NRXN2: variants seen among roughly 807,000 people sequenced by gnomAD.
The protein encoded by NRXN2 is neurexin-2-beta.
NRXN2 carries 29 observed loss-of-function variants against 128.8 expected under a neutral mutation model. That is an observed-to-expected ratio of 0.23 (90% CI 0.17 to 0.31). The LOEUF (loss-of-function observed/expected upper bound fraction) is 0.31, where lower values mean the gene tolerates loss of function less well. Among genes scored for constraint, NRXN2 ranks in the 10% least tolerant of loss-of-function variants. NRXN2 has a pLI of 1.00. For missense variants in NRXN2, 1,881 were observed against 2,452.6 expected, an observed-to-expected ratio of 0.77 and a Z score of 4.92; for synonymous variants, 1,098 against 1,075.2, an observed-to-expected ratio of 1.02 and a Z score of -0.41.
In NRXN2 at chr11:64,648,517, T is replaced by C. The variant is rs1465145312; in HGVS notation, c.3284-179A>G. 1.3e-5 allele frequency among the ~76,000 whole-genome samples: 2 copies of C among 152,184 alleles called. No homozygotes were observed. The highest frequency in any genetic ancestry group is 2.9e-5 in the Non-Finnish European group (2 of 68,022). On this transcript the variant is annotated intron_variant, in intron 16 of 22. Transcript: ENST00000265459. The surrounding 1 kb of genome is among the most constrained non-coding windows in gnomAD (Gnocchi z 4.1). ...GGGTCAGGTCTGCTAGGCTTGGCCT[T>C]GGACTGTGACAAGGGGCCAGGGTGT...
intron 7 of NRXN2, chr11:64,675,847 C>T (rs1392237591): frequency 6.5e-6 from 1 of 154,146 alleles, no homozygotes; most frequent in East Asian, 1.9e-4. Context: ...TGGAGAGTCA[C>T]CAGCAGAGCC....
At chr11:64,615,690 C>T (rs1387533141) in intron 22 of NRXN2, among the ~76,000 whole-genome samples, 2 of 152,214 alleles carry the variant, frequency 1.3e-5, no homozygotes, top group African/African-American at 4.8e-5. Context: ...GGCATACAGG[C>T]ATGCCTTGTA....
chr11:64,651,890 T>C lies in NRXN2; in HGVS notation c.2536+145A>G. Reference sequence around the variant, plus strand: ...TCCTGGGGTCCAGATGCCCATAACATTCCACCCCTGAAGGAGAAATGGCAG... The same window carrying C: ...TCCTGGGGTCCAGATGCCCATAACACTCCACCCCTGAAGGAGAAATGGCAG... On this transcript the variant is annotated intron_variant, in intron 13 of 22. Transcript: ENST00000265459. The surrounding 1 kb of genome is among the most constrained non-coding windows in gnomAD (Gnocchi z 5.9). 1 of 1,315,084 alleles carries C rather than the reference T, an allele frequency of 7.6e-7. No individual in the cohort carries two copies. The highest frequency in any genetic ancestry group is 1.1e-6 in the Non-Finnish European group (1 of 927,738). 81.5% of individuals were successfully genotyped at this position (1,315,084 alleles called of 1,614,324 possible).
At position 64,606,966 on chromosome 11, in the gene NRXN2, G is replaced by C; in HGVS notation, c.*230C>G. 1.7e-6 allele frequency: 1 copy of C among 574,564 alleles called. No homozygotes were observed. Among genetic ancestry groups the C allele is most frequent in the South Asian group, 2.2e-5 (1 of 46,186 alleles). The allele number at this position is 574,564 out of a possible 1,614,324, so 35.6% of individuals were successfully genotyped here. On this transcript the variant is annotated 3_prime_UTR_variant, in exon 23 of 23. Coordinates refer to ENST00000265459, the MANE Select transcript of NRXN2 (RefSeq NM_015080.4). ...GCACGTGCCCTGCCTGGCAGGCGCA[G>C]AGCTGAGAGGGACAGTCAGCCCCGG... is the stretch of plus-strand genomic sequence containing the variant.
chr11:64,642,603 G>A lies in NRXN2; in HGVS notation c.3403+5616C>T, dbSNP rs138224166. ...CGATGGGCACGGTGCCGTGCTTGCTGTGGAAGTGGTGGACGTGGTGGGTGG... is the reference window on the plus strand; with the variant it reads ...CGATGGGCACGGTGCCGTGCTTGCTATGGAAGTGGTGGACGTGGTGGGTGG... On this transcript the variant is annotated intron_variant, in intron 17 of 22. Coordinates refer to ENST00000265459, the MANE Select transcript of NRXN2 (RefSeq NM_015080.4). 254 of 1,610,566 alleles carry A rather than the reference G, an allele frequency of 1.6e-4. No homozygotes were observed. In the African/African-American group the frequency reaches 2.7e-3, roughly 17 times the overall value.
Position 64,647,561 on chromosome 11 carries a change from G to C in NRXN2, c.3403+658C>G, listed in dbSNP as rs572500697. Among the ~76,000 whole-genome samples, 24 of 152,294 alleles carry C rather than the reference G, an allele frequency of 1.6e-4. No individual in the cohort carries two copies. The South Asian group carries it at 4.8e-3, about 30-fold the overall frequency. ...CAAACAGAATGCAAGTTGGCAATCA[G>C]ATGTCCAGCCTAGGAGGAAAAGAAC... is the stretch of plus-strand genomic sequence containing the variant. On this transcript the variant is annotated intron_variant, in intron 17 of 22. Transcript: ENST00000265459.
chr11:64,708,706 T>C (rs184654500), intron 2 of NRXN2, among the ~76,000 whole-genome samples: 60 of 152,342 alleles, frequency 3.9e-4, no homozygotes, highest in Middle Eastern at 3.4e-3. Flanking sequence ...TGAAGGCAGA[T>C]TGAAACATCT....
chr11:64,720,910 G>C (rs2057417427), intron 1 of NRXN2, among the ~76,000 whole-genome samples: 1 of 152,158 alleles, frequency 6.6e-6, no homozygotes, highest in African/African-American at 2.4e-5. Flanking sequence ...TGCCTGCGAT[G>C]GCTGTGAGCC....
At position 64,690,396 on chromosome 11, in the gene NRXN2, G is replaced by T. The variant is rs1463651652; in HGVS notation, c.850+9C>A. The T allele has an allele frequency of 6.2e-7, 1 of 1,610,980 alleles. No individual in the cohort carries two copies. The highest frequency in any genetic ancestry group is 1.7e-5 in the Admixed American group (1 of 59,660). On this transcript the variant is annotated intron_variant, in intron 5 of 22. Coordinates refer to ENST00000265459, the MANE Select transcript of NRXN2 (RefSeq NM_015080.4). ...GCTGGGCTCTCTGGGGACCATGGGG[G>T]TCACTGACCTTTTGTTGGCTGGTGC...
intron 5 of NRXN2, chr11:64,688,363 C>G (rs952046491): frequency 4.1e-6 from 4 of 984,980 alleles, no homozygotes; most frequent in African/African-American, 1.8e-5. Context: ...TGAAAGCCTT[C>G]GAGAAGAGGG....
Position 64,622,014 on chromosome 11 carries a change from G to A in NRXN2, c.4173+739C>T, listed in dbSNP as rs1221710117. On this transcript the variant is annotated intron_variant, in intron 21 of 22. Transcript: ENST00000265459. The surrounding 1 kb of genome is among the most constrained non-coding windows in gnomAD (Gnocchi z 4.3). ...CCCCTCCTCCCTACCAGTCTGTGCT[G>A]CAGGAAGCCTGGGACTAGGCTAGCT... Among the ~76,000 whole-genome samples the A allele has an allele frequency of 2.0e-5, 3 of 152,074 alleles. No homozygotes were observed. The highest frequency in any genetic ancestry group is 7.2e-5 in the African/African-American group (3 of 41,410).
chr11:64,702,158 G>A (rs1202254525), intron 2 of NRXN2, among the ~76,000 whole-genome samples: 4 of 144,566 alleles, frequency 2.8e-5, no homozygotes, highest in Admixed American at 6.8e-5. Context: ...CCGGCCAGCC[G>A]CCCCGTCCGG....
intron 9 of NRXN2, among the ~76,000 whole-genome samples, chr11:64,664,721 G>A (rs12226055): frequency 0.1 from 15,605 of 152,078 alleles, 1,135 homozygotes; most frequent in East Asian, 0.29. Flanking sequence ...GCCGGGCGCC[G>A]TGGCTCACGC....
At chr11:64,654,605 A>G (rs2047979149) in intron 11 of NRXN2, among the ~76,000 whole-genome samples, 3 of 152,342 alleles carry the variant, frequency 2.0e-5, no homozygotes, top group Middle Eastern at 3.4e-3. Flanking sequence ...CCAGCAGCCC[A>G]GGGCCCTGAA....
At position 64,630,459 on chromosome 11, in the gene NRXN2, C is replaced by T; in HGVS notation, c.3700G>A (p.Gly1234Ser). The T allele has an allele frequency of 1.9e-6, 3 of 1,613,772 alleles. No homozygotes were observed. Among genetic ancestry groups the T allele is most frequent in the Non-Finnish European group, 2.5e-6 (3 of 1,179,940 alleles). ...TCCACCTGCAGGGTGGCGTTGCCGC[C>T]GCTTCGAGTGAAGCGCACCACGTGG... ...KYHVVRFTRSGGNATLQVDSW... is the reference protein window; with the variant it reads ...KYHVVRFTRSSGNATLQVDSW... The change falls in exon 19 of 23, where the codon GGC becomes AGC. Residue 1234 changes from glycine to serine, a missense_variant. Physicochemically the swap from Gly to Ser is moderately conservative, Grantham distance 56 (BLOSUM62 0). Around this residue, in one of 7 missense-constraint regions of NRXN2, gnomAD observed 390 missense variants for 599.6 expected, o/e 0.65. Transcript: ENST00000265459. The surrounding 1 kb of genome is among the most constrained non-coding windows in gnomAD (Gnocchi z 4.6).
At chr11:64,672,768 G>A (rs1375301781) in intron 7 of NRXN2, among the ~76,000 whole-genome samples, 1 of 152,100 alleles carries the variant, frequency 6.6e-6, no homozygotes, top group Non-Finnish European at 1.5e-5. Flanking sequence ...TCCTGCTAAG[G>A]GTTTGGGTTA....
chr11:64,625,145 C>G (rs772935808), intron 20 of NRXN2, among the ~76,000 whole-genome samples: 1 of 152,262 alleles, frequency 6.6e-6, no homozygotes, highest in Non-Finnish European at 1.5e-5. Context: ...GGCCCTGGCT[C>G]TCCTTCATCT....
chr11:64,648,979 C>A lies in NRXN2; in HGVS notation c.3110-72G>T. ...TCCCAAGACAATGGCATCTGGCTGT[C>A]AGGTCCTCCCAGCCTTCTCAGGTTC... On this transcript the variant is annotated intron_variant, in intron 15 of 22. Transcript: ENST00000265459. This position sits in a 1 kb window ranked among gnomAD's most constrained non-coding sequence, Gnocchi z 4.1. 1 of 1,493,802 alleles carries A rather than the reference C, an allele frequency of 6.7e-7. No individual in the cohort carries two copies. Among genetic ancestry groups the A allele is most frequent in the East Asian group, 2.3e-5 (1 of 44,254 alleles). The allele number at this position is 1,493,802 out of a possible 1,614,324, so 92.5% of individuals were successfully genotyped here.
chr11:64,691,268 A>G (rs2053768366), intron 4 of NRXN2, among the ~76,000 whole-genome samples: 1 of 152,200 alleles, frequency 6.6e-6, no homozygotes, highest in Non-Finnish European at 1.5e-5. Context: ...GCCCTTTCTC[A>G]GGAGTTATTT....
Sources: allele counts gnomAD v4.1 joint callset (sites outside exome capture counted in the v4.1 genomes callset), GRCh38; gene constraint gnomAD v4.1.1; regional missense constraint gnomAD v4.1.1; non-coding constraint Gnocchi (gnomAD v3.1); transcripts MANE v1.5; gene names NCBI Gene and HGNC (gene_info 2026-07-23, HGNC 2026-07-21).